The following CEP43 variants were observed in gnomAD, a reference collection of about 807,000 sequenced individuals.
CEP43 encodes FGFR1 oncogene partner.
CEP43 carries 36 observed loss-of-function variants against 52.6 expected under a neutral mutation model. That is an observed-to-expected ratio of 0.68 (90% CI 0.52 to 0.90). The LOEUF is 0.90. CEP43 is among the 40% of genes least tolerant of loss of function. The pLI is 0.00. For missense variants in CEP43, 506 were observed against 472.8 expected (o/e 1.07, Z -0.65); for synonymous variants, 192 against 172.4 (o/e 1.11, Z -0.89).
intron 12 of CEP43, chr6:167,036,641 A>G (rs1780591027): frequency 1.0e-6 from 1 of 985,374 alleles, no homozygotes; most frequent in Non-Finnish European, 1.2e-6. Flanking sequence ...GAAGCTTGCT[A>G]TCACAGGGAT....
rs781404392 is a variant in CEP43, at chr6:167,040,453, A to T, written c.*475A>T. ...ACATAGTTGGCAAAATGACTTGGTA[A>T]ATTTGTAATGCTGAAGTATATTAGT... is the stretch of plus-strand genomic sequence containing the variant. On this transcript the variant is annotated 3_prime_UTR_variant, in exon 13 of 13. Transcript: ENST00000366847. The T allele has an allele frequency of 4.9e-6, 6 of 1,217,616 alleles. No homozygotes were observed. Among genetic ancestry groups the T allele is most frequent in the Non-Finnish European group, 6.2e-6 (6 of 973,284 alleles). The allele number at this position is 1,217,616 out of a possible 1,614,324, so 75.4% of individuals were successfully genotyped here.
At position 167,049,709 on chromosome 6, in the gene CEP43, T is replaced by C. The variant is rs1249936890; in HGVS notation, c.*9731T>C. 1.3e-5 allele frequency: 2 copies of C among 152,182 alleles called. No homozygotes were observed. The highest frequency in any genetic ancestry group is 2.9e-5 in the Non-Finnish European group (2 of 68,040). 9.4% of individuals were successfully genotyped at this position (152,182 alleles called of 1,614,324 possible). On this transcript the variant is annotated 3_prime_UTR_variant, in exon 13 of 13. Transcript: ENST00000366847. ...GTTTGTGTAGATATATAATATGCTT[T>C]ATTTTCTCTTGAGTACATAAAAGTG... is the stretch of plus-strand genomic sequence containing the variant.
Position 167,047,159 on chromosome 6 carries a change from T to C in CEP43, c.*7181T>C, listed in dbSNP as rs1780810579. The C allele has an allele frequency of 6.6e-6, 1 of 152,296 alleles. No individual in the cohort carries two copies. 9.4% of individuals were successfully genotyped at this position (152,296 alleles called of 1,614,324 possible). A position where few individuals can be genotyped will look rare whatever the true frequency, so the allele number is the denominator to read the frequency against. ...GGATGTTCAATGCGAAATTTGAACA[T>C]TGGGACCTGAAAAACTGATGGGCTG... On this transcript the variant is annotated 3_prime_UTR_variant, in exon 13 of 13. Coordinates refer to ENST00000366847, the MANE Select transcript of CEP43 (RefSeq NM_007045.4).
intron 10 of CEP43, among the ~76,000 whole-genome samples, chr6:167,030,878 G>A (rs1210263287): frequency 8.0e-6 from 1 of 125,158 alleles, no homozygotes; most frequent in Non-Finnish European, 1.8e-5. Flanking sequence ...TTTGTACAAA[G>A]CTTCCCTTTG....
At chr6:167,015,385 C>G (rs1415788700) in intron 7 of CEP43, among the ~76,000 whole-genome samples, 1 of 152,240 alleles carries the variant, frequency 6.6e-6, no homozygotes, top group Non-Finnish European at 1.5e-5. Context: ...CCCTGCCTTT[C>G]TGCTTTGCCT....
chr6:167,023,816 C>A (rs1780293168), intron 8 of CEP43, among the ~76,000 whole-genome samples: 1 of 152,090 alleles, frequency 6.6e-6, no homozygotes, highest in South Asian at 2.1e-4. Context: ...CAGTGATGAC[C>A]TTGACACAGT....
At chr6:167,034,252 G>A (rs943332558) in intron 12 of CEP43, among the ~76,000 whole-genome samples, 2 of 152,140 alleles carry the variant, frequency 1.3e-5, no homozygotes, top group Non-Finnish European at 2.9e-5. Context: ...ATCAGGGTGG[G>A]TCAGGCTTAG....
intron 10 of CEP43, among the ~76,000 whole-genome samples, chr6:167,031,435 C>T (rs1037069324): frequency 3.9e-5 from 6 of 152,350 alleles, no homozygotes; most frequent in Admixed American, 1.3e-4. Context: ...ATCAGAGATA[C>T]CATCTTAGTC....
At chr6:167,014,443 T>G (rs1282371358) in intron 7 of CEP43, among the ~76,000 whole-genome samples, 1 of 152,220 alleles carries the variant, frequency 6.6e-6, no homozygotes, top group African/African-American at 2.4e-5. Context: ...CTTATGAAAT[T>G]TAAATATTAG....
intron 12 of CEP43, among the ~76,000 whole-genome samples, chr6:167,037,932 T>C (rs1258130278): frequency 6.6e-6 from 1 of 152,194 alleles, no homozygotes; most frequent in African/African-American, 2.4e-5. Context: ...TGGCTGTGAC[T>C]GTCCCCTGGT....
intron 12 of CEP43, among the ~76,000 whole-genome samples, chr6:167,039,330 T>C (rs959488971): frequency 6.6e-6 from 1 of 152,196 alleles, no homozygotes; most frequent in African/African-American, 2.4e-5. Context: ...GGTTTCACCA[T>C]GTTGGCCAGG....
chr6:167,019,713 C>G (rs1780183020), intron 7 of CEP43, among the ~76,000 whole-genome samples: 1 of 152,156 alleles, frequency 6.6e-6, no homozygotes, highest in South Asian at 2.1e-4. Flanking sequence ...AACTTGTCTT[C>G]CTAAAACTGG....
At chr6:167,034,803 T>C (rs1780549845) in intron 12 of CEP43, among the ~76,000 whole-genome samples, 1 of 152,234 alleles carries the variant, frequency 6.6e-6, no homozygotes, top group Non-Finnish European at 1.5e-5. Context: ...ACTTGTAAGA[T>C]GGAAGTATTA....
At position 167,040,210 on chromosome 6, in the gene CEP43, A is replaced by G; in HGVS notation, c.*232A>G. ...TCTTAATTTAACTGTACATTTCTTTATGGAAATTGATTATCTACACTCAGT... is the reference window on the plus strand; with the variant it reads ...TCTTAATTTAACTGTACATTTCTTTGTGGAAATTGATTATCTACACTCAGT... On this transcript the variant is annotated 3_prime_UTR_variant, in exon 13 of 13. Coordinates refer to ENST00000366847, the MANE Select transcript of CEP43 (RefSeq NM_007045.4). 2 of 1,526,302 alleles carry G rather than the reference A, an allele frequency of 1.3e-6. No individual in the cohort carries two copies. Among genetic ancestry groups the G allele is most frequent in the African/African-American group, 1.4e-5 (1 of 72,474 alleles). 94.5% of individuals were successfully genotyped at this position (1,526,302 alleles called of 1,614,324 possible). A position where few individuals can be genotyped will look rare whatever the true frequency, so the allele number is the denominator to read the frequency against.
intron 12 of CEP43, among the ~76,000 whole-genome samples, chr6:167,034,183 G>T (rs1012032858): frequency 6.6e-6 from 1 of 152,148 alleles, no homozygotes; most frequent in Admixed American, 6.5e-5. Context: ...TGCAAGTCTC[G>T]CTGCTGAAAT....
chr6:167,044,630 A>G lies in CEP43; in HGVS notation c.*4652A>G. On this transcript the variant is annotated 3_prime_UTR_variant, in exon 13 of 13. Transcript: ENST00000366847. Reference sequence around the variant, plus strand: ...AATTTATTCCCTGATACATGTTTTTAAAAATGAATCTTGCTGCCCTTAGAA... The same window carrying G: ...AATTTATTCCCTGATACATGTTTTTGAAAATGAATCTTGCTGCCCTTAGAA... 1.2e-6 allele frequency: 1 copy of G among 834,186 alleles called. No individual in the cohort carries two copies. 51.7% of individuals were successfully genotyped at this position (834,186 alleles called of 1,614,324 possible). A position where few individuals can be genotyped will look rare whatever the true frequency, so the allele number is the denominator to read the frequency against.
At chr6:167,018,545 C>T (rs1359467672) in intron 7 of CEP43, among the ~76,000 whole-genome samples, 1 of 152,054 alleles carries the variant, frequency 6.6e-6, no homozygotes, top group Non-Finnish European at 1.5e-5. Flanking sequence ...CACGTGCCAC[C>T]ACACCCAGCT....
intron 2 of CEP43, among the ~76,000 whole-genome samples, chr6:167,000,332 T>G (rs1779705874): frequency 6.6e-6 from 1 of 152,246 alleles, no homozygotes; most frequent in African/African-American, 2.4e-5. Context: ...ACTCTGATAC[T>G]AATGCTTAAT....
At chr6:167,022,943 C>T (rs139805975) in intron 8 of CEP43, among the ~76,000 whole-genome samples, 279 of 152,196 alleles carry the variant, frequency 1.8e-3, no homozygotes, top group Non-Finnish European at 3.5e-3. Context: ...GCTCTGGTGA[C>T]AGAGTCAGGC....
Sources: allele counts gnomAD v4.1 joint callset (sites outside exome capture counted in the v4.1 genomes callset), GRCh38; gene constraint gnomAD v4.1.1; transcripts MANE v1.5; gene names NCBI Gene and HGNC (gene_info 2026-07-23, HGNC 2026-07-21).